DYNC1LI2: variants seen among roughly 807,000 people sequenced by gnomAD.
The protein encoded by DYNC1LI2 is cytoplasmic dynein 1 light intermediate chain 2.
Under a neutral mutation model 57.8 loss-of-function variants are expected in DYNC1LI2, and 19 were observed. The observed-to-expected ratio is 0.33, with a 90% confidence interval of 0.23 to 0.48. The LOEUF is 0.48. Ranked by LOEUF, DYNC1LI2 falls within the 20% of genes least tolerant of loss-of-function variation. The pLI is 0.99. For synonymous variants in DYNC1LI2, 256 were observed against 233.4 expected (o/e 1.10, Z -0.88); for missense variants, 470 against 604.2 (o/e 0.78, Z 2.33).
intron 4 of DYNC1LI2, among the ~76,000 whole-genome samples, chr16:66,737,090 T>C (rs889139729): frequency 1.3e-5 from 2 of 152,098 alleles, no homozygotes; most frequent in Non-Finnish European, 2.9e-5. Context: ...CTGGCCAACA[T>C]GGCAAAACCC....
chr16:66,728,279 C>T (rs769037954), intron 9 of DYNC1LI2, 37 bp from the exon 10 acceptor site: 1 of 1,613,216 alleles, frequency 6.2e-7, no homozygotes, highest in African/African-American at 1.3e-5. Context: ...TTAACCAAGG[C>T]CTGCAGAGAG....
Position 66,732,416 on chromosome 16 carries a change from A to T in DYNC1LI2, c.852T>A (p.Tyr284Ter). The change falls in exon 7 of 13, where the codon TAT becomes TAA. Residue 284 changes from tyrosine (Y) to a stop codon, truncating the protein, a stop_gained. Coordinates refer to ENST00000258198, the MANE Select transcript of DYNC1LI2 (RefSeq NM_006141.3). LOFTEE classifies it high-confidence loss of function. ...CGTATGTTTTATGAACAATATACTT[A>T]TACAACAAGTCGAGGTTTTTCTCTT... ...VKEEKNLDLL[Y>*]KYIVHKTYGF... The T allele has an allele frequency of 6.2e-7, 1 of 1,613,976 alleles. No individual in the cohort carries two copies. The highest frequency in any genetic ancestry group is 8.5e-7 in the Non-Finnish European group (1 of 1,179,994).
At chr16:66,736,359 A>C in intron 4 of DYNC1LI2, 115 bp from the exon 5 acceptor site, 1 of 1,268,910 alleles carries the variant, frequency 7.9e-7, no homozygotes, top group Non-Finnish European at 1.1e-6. Context: ...TGTGTGTGAC[A>C]AACTTCTTAG....
chr16:66,747,302 T>C (rs532176224), intron 3 of DYNC1LI2, among the ~76,000 whole-genome samples: 1 of 151,914 alleles, frequency 6.6e-6, no homozygotes, highest in East Asian at 2.0e-4. Context: ...TGGTCTCAAA[T>C]GGACCTCAGG....
chr16:66,723,337 A>G lies in DYNC1LI2; in HGVS notation c.*385T>C, dbSNP rs1029938337. 1 of 460,446 alleles carries G rather than the reference A, an allele frequency of 2.2e-6. No homozygotes were observed. The highest frequency in any genetic ancestry group is 2.0e-5 in the African/African-American group (1 of 50,254). 28.5% of individuals were successfully genotyped at this position (460,446 alleles called of 1,614,324 possible). On this transcript the variant is annotated 3_prime_UTR_variant, in exon 13 of 13. Transcript: ENST00000258198. ...TTAATCTGCTTCCCAAGAACAAGTG[A>G]ATTTACTAACATGAAACTGGTCAGA...
At position 66,732,551 on chromosome 16, in the gene DYNC1LI2, C is replaced by T. The variant is rs867432972; in HGVS notation, c.794-77G>A. 66 of 1,477,796 alleles carry T rather than the reference C, an allele frequency of 4.5e-5. No homozygotes were observed. The African/African-American group carries it at 7.0e-4, about 16-fold the overall frequency. 91.5% of individuals were successfully genotyped at this position (1,477,796 alleles called of 1,614,324 possible). A position where few individuals can be genotyped will look rare whatever the true frequency, so the allele number is the denominator to read the frequency against. The stretch of plus-strand genomic sequence containing the variant: ...GAACACATACAACCTCAAAGTACTA[C>T]TCATAGGTTGATCAGTTTTTGATCA... On this transcript the variant is annotated intron_variant, in intron 6 of 12. Coordinates refer to ENST00000258198, the MANE Select transcript of DYNC1LI2 (RefSeq NM_006141.3).
rs1567447322 is a variant in DYNC1LI2, at chr16:66,725,893, C to T, written c.1313G>A (p.Ser438Asn). The T allele has an allele frequency of 1.2e-6, 2 of 1,614,164 alleles. No individual in the cohort carries two copies. Among genetic ancestry groups the T allele is most frequent in the Non-Finnish European group, 1.7e-6 (2 of 1,180,018 alleles). The change falls in exon 12 of 13, where the codon AGT becomes AAT. Residue 438 changes from serine to asparagine, a missense_variant. Coordinates refer to ENST00000258198, the MANE Select transcript of DYNC1LI2 (RefSeq NM_006141.3). ...ACTTCCAGGAGAGCCTGTCTTTTTA[C>T]TCAACAGACTGTTGAAGAAGCTGGC... Reference protein sequence around the residue: ...VLASFFNSLLSKKTGSPGSPG... With the variant: ...VLASFFNSLLNKKTGSPGSPG...
At chr16:66,723,964 TAC>T in intron 12 of DYNC1LI2, 142 bp from the exon 13 acceptor site, 1 of 709,080 alleles carries the variant, frequency 1.4e-6, no homozygotes, top group African/African-American at 1.8e-5. Context: ...AGCCCTTTTC[TAC>T]TGCAGTGGTG....
chr16:66,744,620 C>T (rs896834280), intron 3 of DYNC1LI2, among the ~76,000 whole-genome samples: 1 of 152,000 alleles, frequency 6.6e-6, no homozygotes, highest in Non-Finnish European at 1.5e-5. Flanking sequence ...CTGCAACTGC[C>T]GCCGCAACCG....
intron 4 of DYNC1LI2, among the ~76,000 whole-genome samples, chr16:66,737,840 CCTT>C (rs1567453579): frequency 6.6e-6 from 1 of 152,200 alleles, no homozygotes; most frequent in African/African-American, 2.4e-5. Context: ...CAGCTCTGCA[CCTT>C]TATGTGGGCA....
At chr16:66,746,257 A>G (rs2017934473) in intron 3 of DYNC1LI2, among the ~76,000 whole-genome samples, 1 of 152,136 alleles carries the variant, frequency 6.6e-6, no homozygotes, top group African/African-American at 2.4e-5. Context: ...GTGCTTGGAG[A>G]TCACACCACG....
intron 4 of DYNC1LI2, among the ~76,000 whole-genome samples, chr16:66,741,204 C>A (rs545534931): frequency 6.6e-6 from 1 of 152,288 alleles, no homozygotes; most frequent in Non-Finnish European, 1.5e-5. Flanking sequence ...CTGAAGTCAC[C>A]AGTACATTAG....
rs759252005 is a variant in DYNC1LI2, at chr16:66,723,772, G to A, written c.1429C>T (p.Arg477Ter). 4.4e-6 allele frequency: 7 copies of A among 1,607,922 alleles called. No individual in the cohort carries two copies. The highest frequency in any genetic ancestry group is 1.1e-5 in the South Asian group (1 of 89,772). Reference sequence around the variant, plus strand: ...TTTGTTACCATAGAGTCTGGCTTTCGAGTCATTCTATCCAGTTCTTCCTGA... The same window carrying A: ...TTTGTTACCATAGAGTCTGGCTTTCAAGTCATTCTATCCAGTTCTTCCTGA... ...NVQEELDRMT[R>*]KPDSMVTNSS... Residue 477 changes from arginine (R) to a stop codon, truncating the protein, a stop_gained, in exon 13 of 13, where the codon CGA (arginine) becomes TGA (stop). Transcript: ENST00000258198. LOFTEE classifies it high-confidence loss of function.
In DYNC1LI2 at chr16:66,728,195, A is replaced by T. The variant is rs2017569735; in HGVS notation, c.1143+6T>A. 1 of 1,614,172 alleles carries T rather than the reference A, an allele frequency of 6.2e-7. No individual in the cohort carries two copies. Among genetic ancestry groups the T allele is most frequent in the Non-Finnish European group, 8.5e-7 (1 of 1,180,018 alleles). The stretch of plus-strand genomic sequence containing the variant: ...CTTGACCCTCTGTTTAGTGTAAGGT[A>T]CTCACAGAAGCTCTCGTGGGAGTGG... On this transcript the variant is annotated splice_donor_region_variant and intron_variant, in intron 10 of 12. Transcript: ENST00000258198.
chr16:66,735,429 A>T (rs1458826683), intron 5 of DYNC1LI2, among the ~76,000 whole-genome samples: 1 of 151,930 alleles, frequency 6.6e-6, no homozygotes, highest in African/African-American at 2.4e-5. Flanking sequence ...CTACCTCATC[A>T]TTCTAATTTT....
chr16:66,729,571 GTTTTTTT>G (rs11310483), intron 8 of DYNC1LI2, among the ~76,000 whole-genome samples: 1 of 93,698 alleles, frequency 1.1e-5, no homozygotes. Context: ...TTTCTTTATA[GTTTTTTT>G]TTTTTTTTTT....
chr16:66,743,034 C>T (rs1356871335), intron 3 of DYNC1LI2, among the ~76,000 whole-genome samples: 6 of 152,016 alleles, frequency 3.9e-5, no homozygotes, highest in Non-Finnish European at 7.4e-5. Context: ...TCGTGACACT[C>T]GCCTGTAATC....
chr16:66,727,867 A>G, intron 10 of DYNC1LI2, 62 bp from the exon 11 acceptor site: 1 of 1,352,656 alleles, frequency 7.4e-7, no homozygotes. Flanking sequence ...TACATATGCC[A>G]CAAATGGAGA....
chr16:66,724,600 A>G (rs1185539232), intron 12 of DYNC1LI2: 2 of 152,206 alleles, frequency 1.3e-5, no homozygotes, highest in Admixed American at 6.5e-5. Flanking sequence ...AAAATGTGTA[A>G]TTCCCAAGGA....
Sources: allele counts gnomAD v4.1 joint callset (sites outside exome capture counted in the v4.1 genomes callset), GRCh38; gene constraint gnomAD v4.1.1; transcripts MANE v1.5; gene names NCBI Gene and HGNC (gene_info 2026-07-23, HGNC 2026-07-21).